The following PTPRQ variants were observed in gnomAD, a reference collection of about 807,000 sequenced individuals.
PTPRQ encodes phosphatidylinositol phosphatase PTPRQ.
PTPRQ carries 199 observed loss-of-function variants against 246.0 expected under a neutral mutation model. The observed-to-expected ratio is 0.81, with a 90% CI of 0.72 to 0.91. The LOEUF (loss-of-function observed/expected upper bound fraction) is 0.91. PTPRQ is among the 40% of genes least tolerant of loss of function. The pLI, the probability that PTPRQ is intolerant of heterozygous loss-of-function variation, is 0.00. For synonymous variants in PTPRQ, 869 were observed against 853.2 expected (o/e 1.02, Z -0.32); for missense variants, 2,624 against 2,528.4 (o/e 1.04, Z -0.81).
At chr12:80,517,309 A>G (rs1289867370) in intron 17 of PTPRQ, among the ~76,000 whole-genome samples, 1 of 152,050 alleles carries the variant, frequency 6.6e-6, no homozygotes, top group Non-Finnish European at 1.5e-5. Flanking sequence ...TATTTGAAGC[A>G]TTTGCTTAGT....
At position 80,641,435 on chromosome 12, in the gene PTPRQ, G is replaced by T. The variant is rs148423965; in HGVS notation, c.5915+6362G>T. 4.9e-3 allele frequency among the ~76,000 whole-genome samples: 747 copies of T among 152,278 alleles called. 5 individuals are homozygous for T. Among genetic ancestry groups the T allele is most frequent in the African/African-American group, 0.013 (537 of 41,552 alleles). On this transcript the variant is annotated intron_variant, in intron 35 of 44. Transcript: ENST00000644991. ...AGCTATAAGGCTGAATGGGGCCAAA[G>T]CTCCTGATAGTCTGGTTAACCATGA...
chr12:80,568,599 T>A (rs1276629765), intron 25 of PTPRQ, among the ~76,000 whole-genome samples: 1 of 152,230 alleles, frequency 6.6e-6, no homozygotes, highest in African/African-American at 2.4e-5. Context: ...CATGGTCAGC[T>A]CTTTGTTCTG....
intron 39 of PTPRQ, among the ~76,000 whole-genome samples, chr12:80,658,742 A>T (rs1359867368): frequency 1.3e-5 from 2 of 151,914 alleles, no homozygotes; most frequent in African/African-American, 2.4e-5. Context: ...TTACCCACTG[A>T]CTTAAATTCT....
At chr12:80,574,782 T>C (rs2120970180) in intron 25 of PTPRQ, among the ~76,000 whole-genome samples, 1 of 152,330 alleles carries the variant, frequency 6.6e-6, no homozygotes, top group African/African-American at 2.4e-5. Context: ...GCTATATATA[T>C]TAATATACGT....
chr12:80,596,244 C>T (rs34789299), intron 26 of PTPRQ, among the ~76,000 whole-genome samples: 4,095 of 151,938 alleles, frequency 0.027, 62 homozygotes, highest in Non-Finnish European at 0.033. Context: ...ATTAAAGTAT[C>T]TAATAAAGTA....
intron 17 of PTPRQ, among the ~76,000 whole-genome samples, chr12:80,526,595 C>T (rs1895693120): frequency 6.6e-6 from 1 of 152,034 alleles, no homozygotes; most frequent in Admixed American, 6.6e-5. Flanking sequence ...CTTCCATAAG[C>T]AACACTTTCC....
At chr12:80,447,195 T>G (rs938521062) in intron 3 of PTPRQ, among the ~76,000 whole-genome samples, 1 of 152,068 alleles carries the variant, frequency 6.6e-6, no homozygotes, top group East Asian at 1.9e-4. Context: ...TGGCCACTTG[T>G]GTGTCTTCTT....
chr12:80,652,928 A>G (rs1029424289), intron 38 of PTPRQ, 94 bp downstream of exon 38: 83 of 1,251,684 alleles, frequency 6.6e-5, no homozygotes, highest in Middle Eastern at 2.8e-4. Flanking sequence ...TTTATTTTAT[A>G]TTGTTTGAAT....
intron 8 of PTPRQ, among the ~76,000 whole-genome samples, chr12:80,476,701 T>C (rs991676400): frequency 1.3e-5 from 2 of 152,214 alleles, no homozygotes; most frequent in African/African-American, 4.8e-5. Context: ...TTGTTCCCTT[T>C]TAAGACTATA....
intron 17 of PTPRQ, among the ~76,000 whole-genome samples, chr12:80,520,465 T>C (rs1895441665): frequency 6.6e-6 from 1 of 152,020 alleles, no homozygotes; most frequent in African/African-American, 2.4e-5. Context: ...ACCCATTAAC[T>C]CACCATTTAA....
rs771983585 is a variant in PTPRQ, at chr12:80,484,643, C to G, written c.1359+38C>G. On this transcript the variant is annotated intron_variant, in intron 9 of 44. Transcript: ENST00000644991. The stretch of plus-strand genomic sequence containing the variant: ...TATTTCACTTATTGGTGAACCCTTT[C>G]TGCTTGGTTCTGGCTCTGATAGCTT... 20 of 1,542,002 alleles carry G rather than the reference C, an allele frequency of 1.3e-5. No individual in the cohort carries two copies. In the South Asian group the frequency reaches 2.3e-4, roughly 18 times the overall value.
chr12:80,677,961 A>G (rs1017254767), intron 43 of PTPRQ, among the ~76,000 whole-genome samples: 2 of 152,092 alleles, frequency 1.3e-5, no homozygotes, highest in East Asian at 1.9e-4. Flanking sequence ...TTATTGAATT[A>G]TATTGAAAAC....
At chr12:80,545,840 A>G (rs1440186668) in intron 23 of PTPRQ, among the ~76,000 whole-genome samples, 1 of 150,712 alleles carries the variant, frequency 6.6e-6, no homozygotes, top group African/African-American at 2.4e-5. Flanking sequence ...GCTGAAGAAT[A>G]AATAAATTTA....
chr12:80,456,441 A>G (rs1892984280), intron 3 of PTPRQ, among the ~76,000 whole-genome samples: 1 of 152,206 alleles, frequency 6.6e-6, no homozygotes, highest in Non-Finnish European at 1.5e-5. Context: ...ATTATATAAT[A>G]TAGGTATTTT....
At chr12:80,675,693 C>T (rs528392777) in intron 43 of PTPRQ, among the ~76,000 whole-genome samples, 5 of 152,114 alleles carry the variant, frequency 3.3e-5, no homozygotes, top group African/African-American at 9.6e-5. Context: ...ATAATTTTAC[C>T]CAATTTAGTA....
intron 24 of PTPRQ, among the ~76,000 whole-genome samples, chr12:80,547,351 A>G (rs1235304561): frequency 1.3e-5 from 2 of 152,046 alleles, no homozygotes; most frequent in Admixed American, 6.6e-5. Flanking sequence ...TACCTTTAAA[A>G]GCACCTCTTC....
In PTPRQ at chr12:80,468,841, A is replaced by T. The variant is rs1170026618; in HGVS notation, c.1039+3A>T. ...AGTTGAATTATATGGACCATCAGGT[A>T]AGCCTTAATTGGTTTTGTGTTTGCC... On this transcript the variant is annotated splice_donor_region_variant and intron_variant, in intron 7 of 44. Coordinates refer to ENST00000644991, the MANE Select transcript of PTPRQ (RefSeq NM_001145026.2). 6.5e-7 allele frequency: 1 copy of T among 1,546,770 alleles called. No individual in the cohort carries two copies. The highest frequency in any genetic ancestry group is 1.4e-5 in the African/African-American group (1 of 73,022).
intron 26 of PTPRQ, among the ~76,000 whole-genome samples, chr12:80,593,462 C>T (rs540258051): frequency 6.6e-6 from 1 of 152,202 alleles, no homozygotes; most frequent in Non-Finnish European, 1.5e-5. Flanking sequence ...TGAGTGTACA[C>T]CTGTAAAACA....
chr12:80,669,005 A>C lies in PTPRQ; in HGVS notation c.6193-2A>C, dbSNP rs1332622400. 2 of 1,548,474 alleles carry C rather than the reference A, an allele frequency of 1.3e-6. No individual in the cohort carries two copies. Among genetic ancestry groups the C allele is most frequent in the Middle Eastern group, 1.7e-4 (1 of 5,966 alleles). ...GCAGTGTTTGTAATTATATCCTTCT[A>C]GGGTTATTTATGTCCAAATGAATTT... On this transcript the variant is annotated splice_acceptor_variant, in intron 39 of 44. Coordinates refer to ENST00000644991, the MANE Select transcript of PTPRQ (RefSeq NM_001145026.2). LOFTEE classifies it high-confidence loss of function.
Sources: gnomAD v4.1 joint callset for allele counts (sites outside exome capture counted in the v4.1 genomes callset) on GRCh38, gnomAD v4.1.1 for gene constraint, MANE v1.5 for transcripts, NCBI Gene and HGNC (gene_info 2026-07-23, HGNC 2026-07-21) for gene names.